NCBP3: variants seen among roughly 807,000 people sequenced by gnomAD.
NCBP3 encodes nuclear cap binding subunit 3.
Under a neutral mutation model 75.7 loss-of-function variants are expected in NCBP3, and 20 were observed. That is an observed-to-expected ratio of 0.26 (90% CI 0.19 to 0.38). The LOEUF is 0.38. Ranked by LOEUF, NCBP3 falls within the 10% of genes least tolerant of loss-of-function variation. The pLI is 1.00. For missense variants in NCBP3, 678 were observed against 796.9 expected (o/e 0.85, Z 1.80); for synonymous variants, 293 against 290.5 (o/e 1.01, Z -0.09).
rs1164679442 is a variant in NCBP3 at position 3,809,084 on chromosome 17, G to A, written c.*3960C>T. The A allele has an allele frequency of 6.6e-6, 1 of 152,072 alleles. No individual in the cohort carries two copies. The highest frequency in any genetic ancestry group is 1.9e-4 in the East Asian group (1 of 5,186). The allele number at this position is 152,072 out of a possible 1,614,324, so 9.4% of individuals were successfully genotyped here. A position where few individuals can be genotyped will look rare whatever the true frequency, so the allele number is the denominator to read the frequency against. The stretch of plus-strand genomic sequence containing the variant: ...GGATCACTTGAGGCCAGGAGTGCTA[G>A]ACGGCCTGGGCAACATAACGAAACC... On this transcript the variant is annotated 3_prime_UTR_variant, in exon 13 of 13. Transcript: ENST00000389005.
At chr17:3,820,405 T>G (rs1177792736) in intron 9 of NCBP3, among the ~76,000 whole-genome samples, 1 of 152,214 alleles carries the variant, frequency 6.6e-6, no homozygotes, top group East Asian at 1.9e-4. Context: ...ATTAGGCATG[T>G]AGAAGATTCC....
chr17:3,836,917 G>A lies in NCBP3; in HGVS notation c.355+3183C>T, dbSNP rs146380935. 9.7e-4 allele frequency among the ~76,000 whole-genome samples: 148 copies of A among 152,206 alleles called. 1 individual carries two copies. Among genetic ancestry groups the A allele is most frequent in the African/African-American group, 3.1e-3 (129 of 41,542 alleles). ...TACAACGCCAGCGCTTTGGGAGGCC[G>A]AGGCGGGTGGATCACAAGGTCAGGA... On this transcript the variant is annotated intron_variant, in intron 3 of 12. Transcript: ENST00000389005.
At chr17:3,825,745 C>T in intron 6 of NCBP3, 22 bp downstream of exon 6, 1 of 1,511,392 alleles carries the variant, frequency 6.6e-7, no homozygotes, top group South Asian at 1.2e-5. Context: ...AACTTTACAT[C>T]TATCTTTCCC....
At chr17:3,844,536 G>C (rs1235528585) in intron 1 of NCBP3, among the ~76,000 whole-genome samples, 1 of 152,154 alleles carries the variant, frequency 6.6e-6, no homozygotes, top group African/African-American at 2.4e-5. Context: ...GCTGTGCCTT[G>C]GTACATAGCG....
At position 3,829,348 on chromosome 17, in the gene NCBP3, C is replaced by G; in HGVS notation, c.376G>C (p.Glu126Gln). 6.4e-7 allele frequency: 1 copy of G among 1,551,886 alleles called. No homozygotes were observed. The highest frequency in any genetic ancestry group is 1.2e-5 in the South Asian group (1 of 84,060). Reference sequence around the variant, plus strand: ...TCTACTCCGCAAATATAGATTGTCTCCAGTCTCACCTTGGGGATTGCTAGA... The same window carrying G: ...TCTACTCCGCAAATATAGATTGTCTGCAGTCTCACCTTGGGGATTGCTAGA... Reference protein sequence around the residue: ...MKKAIPKVRLETIYICGVDEM... With the variant: ...MKKAIPKVRLQTIYICGVDEM... Residue 126 changes from glutamate (E) to glutamine (Q), a missense_variant, in exon 4 of 13, where the codon GAG becomes CAG. Transcript: ENST00000389005.
rs2053304638 is a variant in NCBP3, at chr17:3,803,811, C to CA, written c.*9232dup. ...GGCAGGTGGGCCAGGCGCGGTGGCTCACGCCTGTAATCCCAGCACTTTGGG... is the reference window on the plus strand; with the variant it reads ...GGCAGGTGGGCCAGGCGCGGTGGCTCAACGCCTGTAATCCCAGCACTTTGGG... On this transcript the variant is annotated 3_prime_UTR_variant, in exon 13 of 13. Transcript: ENST00000389005. 6.6e-6 allele frequency: 1 copy of CA among 152,112 alleles called. No individual in the cohort carries two copies. Among genetic ancestry groups the CA allele is most frequent in the Admixed American group, 6.5e-5 (1 of 15,274 alleles). The allele number at this position is 152,112 out of a possible 1,614,324, so 9.4% of individuals were successfully genotyped here. A position where few individuals can be genotyped will look rare whatever the true frequency, so the allele number is the denominator to read the frequency against.
At chr17:3,830,728 T>C (rs961377342) in intron 3 of NCBP3, among the ~76,000 whole-genome samples, 1 of 151,326 alleles carries the variant, frequency 6.6e-6, no homozygotes, top group Non-Finnish European at 1.5e-5. Context: ...GCTGGGACTA[T>C]AGGAGCGTAC....
rs191875185 is a variant in NCBP3, at chr17:3,837,220, C to T, written c.355+2880G>A. Among the ~76,000 whole-genome samples, 722 of 151,324 alleles carry T rather than the reference C, an allele frequency of 4.8e-3. 20 individuals are homozygous for T. Among genetic ancestry groups the T allele is most frequent in the African/African-American group, 0.017 (695 of 41,142 alleles). On this transcript the variant is annotated intron_variant, in intron 3 of 12. Transcript: ENST00000389005. Reference sequence around the variant, plus strand: ...AGATATAAAAAGAATAACTATCAGCCGGGCGCAGTGGCTCACACCTGTAAT... The same window carrying T: ...AGATATAAAAAGAATAACTATCAGCTGGGCGCAGTGGCTCACACCTGTAAT...
intron 3 of NCBP3, among the ~76,000 whole-genome samples, chr17:3,837,810 C>A (rs776808836): frequency 2.6e-5 from 4 of 151,776 alleles, no homozygotes; most frequent in African/African-American, 4.8e-5. Flanking sequence ...ATAAAGTGGT[C>A]TGAGATGGGC....
intron 4 of NCBP3, among the ~76,000 whole-genome samples, chr17:3,826,688 C>A: frequency 8.0e-6 from 1 of 124,908 alleles, no homozygotes; most frequent in Non-Finnish European, 1.6e-5. Context: ...GAAAGAGAGA[C>A]AGAAAGAGAA....
At chr17:3,842,028 T>C (rs2054073423) in intron 2 of NCBP3, among the ~76,000 whole-genome samples, 1 of 152,172 alleles carries the variant, frequency 6.6e-6, no homozygotes, top group Admixed American at 6.5e-5. Context: ...CTTACATGTA[T>C]TGACTACATA....
chr17:3,822,107 T>C (rs1315732047), intron 7 of NCBP3, 55 bp from the exon 8 acceptor site: 3 of 1,249,172 alleles, frequency 2.4e-6, no homozygotes, highest in Admixed American at 2.1e-5. Context: ...AAAGACAATG[T>C]TGAATTTTTT....
intron 6 of NCBP3, among the ~76,000 whole-genome samples, chr17:3,825,344 G>A (rs577770935): frequency 1.3e-5 from 2 of 152,264 alleles, no homozygotes; most frequent in African/African-American, 4.8e-5. Flanking sequence ...TGCAGGCTCC[G>A]AGAGGGCCAG....
chr17:3,828,903 C>A (rs1295261973), intron 4 of NCBP3, among the ~76,000 whole-genome samples: 1 of 152,114 alleles, frequency 6.6e-6, no homozygotes, highest in Non-Finnish European at 1.5e-5. Context: ...TCTGAAAATG[C>A]AGCCCCAAGT....
At position 3,806,706 on chromosome 17, in the gene NCBP3, T is replaced by C. The variant is rs558425827; in HGVS notation, c.*6338A>G. On this transcript the variant is annotated 3_prime_UTR_variant, in exon 13 of 13. Transcript: ENST00000389005. ...GGAACAAAGTTCTGTGAAATGTTCATAGAGCTTCATTGAAAAAAAAAAAAA... is the reference window on the plus strand; with the variant it reads ...GGAACAAAGTTCTGTGAAATGTTCACAGAGCTTCATTGAAAAAAAAAAAAA... 2.9e-5 allele frequency: 4 copies of C among 136,406 alleles called. No homozygotes were observed. Among genetic ancestry groups the C allele is most frequent in the Admixed American group, 2.4e-4 (3 of 12,454 alleles). 8.4% of individuals were successfully genotyped at this position (136,406 alleles called of 1,614,324 possible).
chr17:3,843,788 G>A (rs1237136796), intron 1 of NCBP3, among the ~76,000 whole-genome samples: 2 of 151,976 alleles, frequency 1.3e-5, no homozygotes, highest in Non-Finnish European at 2.9e-5. Flanking sequence ...TCGGTGATCC[G>A]TCTGTCTCAG....
chr17:3,829,784 C>T (rs565717529), intron 3 of NCBP3, among the ~76,000 whole-genome samples: 11 of 152,090 alleles, frequency 7.2e-5, no homozygotes, highest in Admixed American at 3.9e-4. Flanking sequence ...AGATGCTGCC[C>T]GTGACTATGT....
At chr17:3,829,150 G>A in intron 4 of NCBP3, 93 bp downstream of exon 4, 1 of 1,383,318 alleles carries the variant, frequency 7.2e-7, no homozygotes, top group Non-Finnish European at 9.9e-7. Flanking sequence ...TAAACAAGTA[G>A]TATGGGCCAG....
intron 10 of NCBP3, among the ~76,000 whole-genome samples, chr17:3,816,757 T>G (rs1227095271): frequency 6.6e-6 from 1 of 152,202 alleles, no homozygotes; most frequent in Admixed American, 6.5e-5. Flanking sequence ...AAAATAAGAA[T>G]GTGAACAGGC....
Sources: gnomAD v4.1 joint callset for allele counts (sites outside exome capture counted in the v4.1 genomes callset) on GRCh38, gnomAD v4.1.1 for gene constraint, MANE v1.5 for transcripts, NCBI Gene and HGNC (gene_info 2026-07-23, HGNC 2026-07-21) for gene names.